The following CPO variants were observed in gnomAD, a reference collection of about 807,000 sequenced individuals.
The protein encoded by CPO is metallocarboxypeptidase C.
In CPO, 43 loss-of-function variants were observed where a neutral mutation model predicts 41.2. The ratio of observed to expected loss-of-function variants is 1.04; its 90% CI spans 0.82 to 1.35. The LOEUF is 1.35. Among genes scored for constraint, CPO ranks in the 40% most tolerant of loss-of-function variants. The pLI is 0.00. For missense variants in CPO, 408 were observed against 451.7 expected, an observed-to-expected ratio of 0.90 and a Z score of 0.88; for synonymous variants, 178 against 162.7, an observed-to-expected ratio of 1.09 and a Z score of -0.72.
At chr2:206,953,187 A>G (rs1693297478) in intron 2 of CPO, among the ~76,000 whole-genome samples, 1 of 152,168 alleles carries the variant, frequency 6.6e-6, no homozygotes, top group Non-Finnish European at 1.5e-5. Context: ...TGCCTTCCCA[A>G]CAGTCCCCCA....
At chr2:206,948,156 A>G (rs961727894) in intron 1 of CPO, among the ~76,000 whole-genome samples, 23 of 152,248 alleles carry the variant, frequency 1.5e-4, no homozygotes, top group Non-Finnish European at 2.6e-4. Context: ...CATAACTGCC[A>G]TATCTTGGAA....
Position 206,960,931 on chromosome 2 carries a change from C to A in CPO, c.563C>A (p.Ala188Glu), listed in dbSNP as rs1231406906. Residue 188 changes from alanine (A) to glutamate (E), a missense_variant, in exon 6 of 9, where the codon GCA becomes GAA. Ala to Glu is a moderately radical substitution (Grantham distance 107). Transcript: ENST00000272852. Reference protein sequence around the residue: ...FGTDLNRNFNASWCSIGASRN... With the variant: ...FGTDLNRNFNESWCSIGASRN... ...ACGGATCTCAATCGAAATTTCAATGCATCTTGGTGTAGTAAGTACATGCTT... is the reference window on the plus strand; with the variant it reads ...ACGGATCTCAATCGAAATTTCAATGAATCTTGGTGTAGTAAGTACATGCTT... 1.9e-6 allele frequency: 3 copies of A among 1,605,136 alleles called. No individual in the cohort carries two copies. In the African/African-American group the frequency reaches 4.0e-5, roughly 21 times the overall value.
chr2:206,939,784 C>A, intron 1 of CPO, 117 bp downstream of exon 1: 1 of 647,752 alleles, frequency 1.5e-6, no homozygotes, highest in Non-Finnish European at 2.7e-6. Flanking sequence ...ATATATACCA[C>A]CATGAGATGA....
In CPO at chr2:206,969,292, G is replaced by A; in HGVS notation, c.981G>A (p.Gln327=). The change falls in exon 9 of 9, where the codon CAG becomes CAA. Residue 327 remains glutamine (Q), a synonymous_variant. Coordinates refer to ENST00000272852, the MANE Select transcript of CPO (RefSeq NM_173077.3). ...YGFVLPEAQI[Q]PTCEETMEAV... ...TTGTTCTGCCAGAAGCTCAGATCCA[G>A]CCCACCTGTGAGGAGACCATGGAGG... 1 of 1,614,094 alleles carries A rather than the reference G, an allele frequency of 6.2e-7. No homozygotes were observed. The highest frequency in any genetic ancestry group is 8.5e-7 in the Non-Finnish European group (1 of 1,180,004).
At chr2:206,958,445 C>T (rs1693414458) in intron 4 of CPO, 40 bp downstream of exon 4, 1 of 1,095,784 alleles carries the variant, frequency 9.1e-7, no homozygotes, top group Non-Finnish European at 1.4e-6. Flanking sequence ...AAATCACCCC[C>T]ATAAAATATC....
chr2:206,948,725 C>T (rs572051706), intron 1 of CPO, among the ~76,000 whole-genome samples: 2 of 152,194 alleles, frequency 1.3e-5, no homozygotes, highest in Non-Finnish European at 2.9e-5. Flanking sequence ...CATACCATTG[C>T]AGTCCAGTTT....
rs146658432 is a variant in CPO at position 206,965,172 on chromosome 2, T to A, written c.777+2558T>A. Among the ~76,000 whole-genome samples, 580 of 152,320 alleles carry A rather than the reference T, an allele frequency of 3.8e-3. 1 individual carries two copies. Among genetic ancestry groups the A allele is most frequent in the African/African-American group, 0.011 (460 of 41,562 alleles). On this transcript the variant is annotated intron_variant, in intron 7 of 8. Transcript: ENST00000272852. ...TGAGAAAGATGGCTTCAATTCTGTA[T>A]CTCTTACAGTCTCAGGTGCTGAAGA...
chr2:206,956,454 T>C (rs748782906), intron 3 of CPO, among the ~76,000 whole-genome samples: 3 of 152,132 alleles, frequency 2.0e-5, no homozygotes, highest in Non-Finnish European at 4.4e-5. Context: ...TGAGGGCTTG[T>C]TACAAATGCA....
Position 206,966,386 on chromosome 2 carries a change from C to G in CPO, c.778-1877C>G, listed in dbSNP as rs188783284. Among the ~76,000 whole-genome samples, 130 of 152,156 alleles carry G rather than the reference C, an allele frequency of 8.5e-4. 3 individuals are homozygous for G. In the East Asian group the frequency reaches 0.023, roughly 27 times the overall value. On this transcript the variant is annotated intron_variant, in intron 7 of 8. Transcript: ENST00000272852. ...AATGGGAATTAAAAATAATTAAAAG[C>G]AATTCGTATCTCTGCTAGAGACTCT...
chr2:206,955,827 C>T (rs1250848953), intron 3 of CPO, among the ~76,000 whole-genome samples: 2 of 152,122 alleles, frequency 1.3e-5, no homozygotes, highest in African/African-American at 4.8e-5. Context: ...CAGCAGGGCC[C>T]AGAAGTGGAC....
intron 2 of CPO, among the ~76,000 whole-genome samples, chr2:206,953,633 T>C (rs547954432): frequency 6.6e-6 from 1 of 152,338 alleles, no homozygotes; most frequent in African/African-American, 2.4e-5. Context: ...TGTCAGTGGA[T>C]CTACCATTCT....
intron 3 of CPO, among the ~76,000 whole-genome samples, chr2:206,956,074 A>C (rs1057008591): frequency 6.6e-6 from 1 of 152,144 alleles, no homozygotes; most frequent in African/African-American, 2.4e-5. Context: ...AGCCAGGGGG[A>C]TAACCAGGTC....
In CPO at chr2:206,961,002, G is replaced by A. The variant is rs1036294888; in HGVS notation, c.574+60G>A. 59 of 1,139,302 alleles carry A rather than the reference G, an allele frequency of 5.2e-5. 1 individual carries two copies. The highest frequency in any genetic ancestry group is 7.2e-5 in the Non-Finnish European group (54 of 748,942). The allele number at this position is 1,139,302 out of a possible 1,614,324, so 70.6% of individuals were successfully genotyped here. A position where few individuals can be genotyped will look rare whatever the true frequency, so the allele number is the denominator to read the frequency against. Reference sequence around the variant, plus strand: ...ATAAAGCTGAGAAGTAAGAAAAGAGGTGAATTACTAAATGTATAATTTTTG... The same window carrying A: ...ATAAAGCTGAGAAGTAAGAAAAGAGATGAATTACTAAATGTATAATTTTTG... On this transcript the variant is annotated intron_variant, in intron 6 of 8. Coordinates refer to ENST00000272852, the MANE Select transcript of CPO (RefSeq NM_173077.3).
chr2:206,948,085 A>G (rs1693180009), intron 1 of CPO, among the ~76,000 whole-genome samples: 1 of 152,252 alleles, frequency 6.6e-6, no homozygotes, highest in Non-Finnish European at 1.5e-5. Flanking sequence ...GTATTTATCC[A>G]AATGAATTGA....
In CPO at chr2:206,969,462, C is replaced by G; in HGVS notation, c.*26C>G. The G allele has an allele frequency of 6.2e-7, 1 of 1,608,778 alleles. No homozygotes were observed. The highest frequency in any genetic ancestry group is 8.5e-7 in the Non-Finnish European group (1 of 1,175,548). ...GTGCATTCTGCCCAGGCCTGCTCAA[C>G]CCCAGTGGCATGAGTGTGGCTGGAG... On this transcript the variant is annotated 3_prime_UTR_variant, in exon 9 of 9. Transcript: ENST00000272852.
Position 206,958,390 on chromosome 2 carries a change from A to G in CPO, c.357A>G (p.Gln119=), listed in dbSNP as rs768812436. The G allele has an allele frequency of 6.9e-6, 11 of 1,588,746 alleles. No individual in the cohort carries two copies. The highest frequency in any genetic ancestry group is 1.3e-5 in the African/African-American group (1 of 74,086). Reference sequence around the variant, plus strand: ...AATGGATTGCTCCTGCTTTTTGCCAATGGTTCGTCAAAGAAGTAAGTGTCT... The same window carrying G: ...AATGGATTGCTCCTGCTTTTTGCCAGTGGTTCGTCAAAGAAGTAAGTGTCT... The part of the protein sequence containing the change: ...AREWIAPAFC[Q]WFVKEILQNH... The change falls in exon 4 of 9, where the codon CAA becomes CAG. Residue 119 remains glutamine (Q), a synonymous_variant. Transcript: ENST00000272852.
Position 206,939,519 on chromosome 2 carries a change from C to G in CPO, c.-81C>G. ...TATCTCATCTTGATTGTGGGAGCCA[C>G]AGTCTTGATGCATTCATTCTCAAGG... On this transcript the variant is annotated 5_prime_UTR_variant, in exon 1 of 9. Coordinates refer to ENST00000272852, the MANE Select transcript of CPO (RefSeq NM_173077.3). 1 of 1,073,878 alleles carries G rather than the reference C, an allele frequency of 9.3e-7. No homozygotes were observed. Among genetic ancestry groups the G allele is most frequent in the Non-Finnish European group, 1.4e-6 (1 of 705,014 alleles). 66.5% of individuals were successfully genotyped at this position (1,073,878 alleles called of 1,614,324 possible).
chr2:206,943,301 G>C (rs534624582), intron 1 of CPO, among the ~76,000 whole-genome samples: 5 of 152,250 alleles, frequency 3.3e-5, no homozygotes, highest in African/African-American at 1.2e-4. Context: ...CTCACTTCAT[G>C]GCAGGACAGG....
intron 8 of CPO, 120 bp from the exon 9 acceptor site, chr2:206,969,054 A>G: frequency 9.8e-7 from 1 of 1,019,792 alleles, no homozygotes; most frequent in African/African-American, 1.6e-5. Context: ...TATTTCTGAG[A>G]CCCTGATCTA....
Sources: allele counts gnomAD v4.1 joint callset (sites outside exome capture counted in the v4.1 genomes callset), GRCh38; gene constraint gnomAD v4.1.1; transcripts MANE v1.5; gene names NCBI Gene and HGNC (gene_info 2026-07-23, HGNC 2026-07-21).